Variants in NEDD4L observed in about 807,000 individuals in gnomAD.
NEDD4L encodes NEDD4 like E3 ubiquitin protein ligase, also known as E3 ubiquitin-protein ligase NEDD4-like.
A neutral mutation model predicts 148.9 loss-of-function variants in NEDD4L; 54 were observed. That is an observed-to-expected ratio of 0.36 (90% confidence interval 0.29 to 0.45). The LOEUF is 0.45. Ranked by LOEUF, NEDD4L falls within the 20% of genes least tolerant of loss-of-function variation. NEDD4L has a pLI of 1.00. For synonymous variants in NEDD4L, 433 were observed against 440.7 expected (o/e 0.98, Z 0.22); for missense variants, 856 against 1,233.8 (o/e 0.69, Z 4.59).
intron 1 of NEDD4L, among the ~76,000 whole-genome samples, chr18:58,097,892 G>A (rs750572231): frequency 1.3e-5 from 2 of 152,150 alleles, no homozygotes; most frequent in African/African-American, 2.4e-5. Flanking sequence ...TTAGCTGGAT[G>A]TGGTAGTGAA....
intron 19 of NEDD4L, among the ~76,000 whole-genome samples, chr18:58,360,956 G>C (rs1341354063): frequency 6.6e-6 from 1 of 152,068 alleles, no homozygotes; most frequent in Non-Finnish European, 1.5e-5. Context: ...ATTTATTACA[G>C]GTCTGTTTCT....
At chr18:58,390,528 C>A in intron 28 of NEDD4L, 118 bp from the exon 29 acceptor site, 2 of 641,888 alleles carry the variant, frequency 3.1e-6, no homozygotes, top group Non-Finnish European at 2.8e-6. Flanking sequence ...TTTTCAGAGT[C>A]AACTGTCTAG....
chr18:58,076,052 A>G (rs141903994), intron 1 of NEDD4L, among the ~76,000 whole-genome samples: 43 of 152,324 alleles, frequency 2.8e-4, no homozygotes, highest in Admixed American at 8.5e-4. Context: ...GAGAAATCTC[A>G]CACCACTTGA....
At chr18:58,064,961 G>A (rs1024791312) in intron 1 of NEDD4L, among the ~76,000 whole-genome samples, 4 of 152,132 alleles carry the variant, frequency 2.6e-5, no homozygotes, top group Admixed American at 6.5e-5. Context: ...ATATCCAGGT[G>A]GGGAAACCTT....
chr18:58,052,086 A>G (rs985853653), intron 1 of NEDD4L, among the ~76,000 whole-genome samples: 1 of 152,240 alleles, frequency 6.6e-6, no homozygotes, highest in African/African-American at 2.4e-5. Context: ...CTAGATTTAG[A>G]AAACTAGAAA....
At chr18:58,187,336 G>A (rs1482426018) in intron 2 of NEDD4L, among the ~76,000 whole-genome samples, 1 of 152,174 alleles carries the variant, frequency 6.6e-6, no homozygotes, top group Non-Finnish European at 1.5e-5. Context: ...CACTGAACCA[G>A]GCAGGTGGGG....
chr18:58,252,498 T>A (rs2048052437), intron 5 of NEDD4L, among the ~76,000 whole-genome samples: 1 of 152,146 alleles, frequency 6.6e-6, no homozygotes, highest in Non-Finnish European at 1.5e-5. Context: ...ATTAACAACG[T>A]ATAGCAAAAA....
intron 16 of NEDD4L, among the ~76,000 whole-genome samples, chr18:58,346,871 A>G (rs982806059): frequency 6.6e-6 from 1 of 151,836 alleles, no homozygotes; most frequent in Non-Finnish European, 1.5e-5. Flanking sequence ...TCCATAACTA[A>G]TAGAGAGCCT....
intron 6 of NEDD4L, among the ~76,000 whole-genome samples, chr18:58,318,416 G>A (rs904363453): frequency 6.6e-6 from 1 of 152,174 alleles, no homozygotes; most frequent in African/African-American, 2.4e-5. Flanking sequence ...GATTAACCCA[G>A]CATGGTGGCA....
chr18:58,280,412 G>A (rs2052861491), intron 5 of NEDD4L, among the ~76,000 whole-genome samples: 1 of 152,158 alleles, frequency 6.6e-6, no homozygotes, highest in Non-Finnish European at 1.5e-5. Context: ...TCTGGGCAGG[G>A]GTTGAGGGAG....
At chr18:58,293,660 CAT>C (rs1322482962) in intron 5 of NEDD4L, among the ~76,000 whole-genome samples, 1 of 152,198 alleles carries the variant, frequency 6.6e-6, no homozygotes, top group African/African-American at 2.4e-5. Context: ...ACCTTTGACT[CAT>C]ATGTTTTCTG....
Position 58,390,657 on chromosome 18 carries a change from C to T in NEDD4L, c.2667C>T (p.Leu889=). 1 of 1,585,500 alleles carries T rather than the reference C, an allele frequency of 6.3e-7. No homozygotes were observed. The highest frequency in any genetic ancestry group is 2.3e-5 in the East Asian group (1 of 43,832). The change falls in exon 29 of 31, where the codon CTC becomes CTT. Residue 889 remains leucine, a synonymous_variant. Transcript: ENST00000400345. ...VIQWFWKAVL[L]MDAEKRIRLL... ...GCCTCTGTTCATAGGCTGTGCTACT[C>T]ATGGACGCCGAAAAGCGTATCCGGT...
rs529534919 is a variant in NEDD4L at position 58,044,610 on chromosome 18, C to T, written c.-51C>T. On this transcript the variant is annotated 5_prime_UTR_variant, in exon 1 of 31. Coordinates refer to ENST00000400345, the MANE Select transcript of NEDD4L (RefSeq NM_001144967.3). ...AGAGGGGAGAACCGGCCGTCCGCGC[C>T]GCAGCACAGCCGCTGGGAGCGCCTC... The T allele has an allele frequency of 2.8e-5, 43 of 1,553,142 alleles. No individual in the cohort carries two copies. In the East Asian group the frequency reaches 3.5e-4, roughly 12 times the overall value.
intron 1 of NEDD4L, among the ~76,000 whole-genome samples, chr18:58,099,582 A>G (rs1190268874): frequency 2.6e-5 from 4 of 152,164 alleles, no homozygotes; most frequent in African/African-American, 4.8e-5. Context: ...AGTCCACCTG[A>G]TGACCATTTA....
chr18:58,100,664 CT>C, intron 1 of NEDD4L, among the ~76,000 whole-genome samples: 1 of 152,128 alleles, frequency 6.6e-6, no homozygotes, highest in East Asian at 1.9e-4. Context: ...TGGGCAAGGC[CT>C]TAAAAACAAA....
chr18:58,064,821 G>T (rs2082516996), intron 1 of NEDD4L, among the ~76,000 whole-genome samples: 1 of 152,172 alleles, frequency 6.6e-6, no homozygotes, highest in African/African-American at 2.4e-5. Context: ...AGAAGTCATA[G>T]TCTGGCCAGG....
At chr18:58,105,041 A>G (rs2084985161) in intron 1 of NEDD4L, among the ~76,000 whole-genome samples, 1 of 152,164 alleles carries the variant, frequency 6.6e-6, no homozygotes, top group Admixed American at 6.5e-5. Context: ...TCTAGGGAAG[A>G]GGGAAGGTAA....
chr18:58,200,265 A>G (rs2041239778), intron 2 of NEDD4L, among the ~76,000 whole-genome samples: 1 of 152,212 alleles, frequency 6.6e-6, no homozygotes, highest in African/African-American at 2.4e-5. Context: ...TGGGTGATGT[A>G]TTTAAAAGAC....
intron 1 of NEDD4L, among the ~76,000 whole-genome samples, chr18:58,077,310 G>A (rs1363017860): frequency 6.6e-6 from 1 of 151,796 alleles, no homozygotes; most frequent in African/African-American, 2.4e-5. Context: ...GGAGCTACAG[G>A]CATGTACTAC....
Sources: gnomAD v4.1 joint callset for allele counts (sites outside exome capture counted in the v4.1 genomes callset) on GRCh38, gnomAD v4.1.1 for gene constraint, MANE v1.5 for transcripts, NCBI Gene and HGNC (gene_info 2026-07-23, HGNC 2026-07-21) for gene names.